The following KCNH8 variants were observed in gnomAD, a reference collection of about 807,000 sequenced individuals.
The protein encoded by KCNH8 is voltage-gated delayed rectifier potassium channel KCNH8.
A neutral mutation model predicts 103.6 loss-of-function variants in KCNH8; 70 were observed. The ratio of observed to expected loss-of-function variants is 0.68; its 90% confidence interval spans 0.56 to 0.82. The LOEUF is 0.82. Among genes scored for constraint, KCNH8 ranks in the 40% least tolerant of loss-of-function variants. KCNH8 has a pLI of 0.00. For synonymous variants in KCNH8, 498 were observed against 489.4 expected (o/e 1.02, Z -0.23); for missense variants, 1,217 against 1,329.9 (o/e 0.92, Z 1.32).
chr3:19,242,997 T>C (rs1246052609), intron 1 of KCNH8, among the ~76,000 whole-genome samples: 2 of 152,200 alleles, frequency 1.3e-5, no homozygotes, highest in African/African-American at 4.8e-5. Flanking sequence ...TAACTTGCTG[T>C]TTAGCATTGT....
At chr3:19,242,615 T>C (rs538689089) in intron 1 of KCNH8, among the ~76,000 whole-genome samples, 11 of 152,290 alleles carry the variant, frequency 7.2e-5, no homozygotes, top group African/African-American at 2.6e-4. Flanking sequence ...AGAAAGGTGT[T>C]ATCCCCCTTC....
At chr3:19,324,340 C>A (rs1014904343) in intron 3 of KCNH8, among the ~76,000 whole-genome samples, 1 of 152,086 alleles carries the variant, frequency 6.6e-6, no homozygotes, top group African/African-American at 2.4e-5. Flanking sequence ...AAGCAAGTAC[C>A]TTCTTCACAA....
intron 3 of KCNH8, among the ~76,000 whole-genome samples, chr3:19,339,690 C>G (rs918984504): frequency 6.6e-6 from 1 of 151,944 alleles, no homozygotes; most frequent in African/African-American, 2.4e-5. Flanking sequence ...AATATTCTTT[C>G]AAGTATGTAG....
intron 11 of KCNH8, among the ~76,000 whole-genome samples, chr3:19,502,838 A>G (rs376723311): frequency 6.6e-6 from 1 of 151,114 alleles, no homozygotes; most frequent in Non-Finnish European, 1.5e-5. Flanking sequence ...AAGAAAACCT[A>G]GGCATTACCA....
Position 19,489,779 on chromosome 3 carries a change from C to T in KCNH8, c.2041-20584C>T, listed in dbSNP as rs189917944. On this transcript the variant is annotated intron_variant, in intron 11 of 15. Coordinates refer to ENST00000328405, the MANE Select transcript of KCNH8 (RefSeq NM_144633.3). Reference sequence around the variant, plus strand: ...GGCACACACACACTTTTACAGTTTACACCAAACCAGAAACAACCAAAATCA... The same window carrying T: ...GGCACACACACACTTTTACAGTTTATACCAAACCAGAAACAACCAAAATCA... Among the ~76,000 whole-genome samples the T allele has an allele frequency of 4.8e-3, 723 of 152,206 alleles. 2 individuals are homozygous for T. The highest frequency in any genetic ancestry group is 7.7e-3 in the Non-Finnish European group (526 of 68,004).
chr3:19,293,792 TA>T (rs2064961610), intron 3 of KCNH8, among the ~76,000 whole-genome samples: 1 of 152,212 alleles, frequency 6.6e-6, no homozygotes. Flanking sequence ...TTGAGGATCT[TA>T]TCTCTAACAC....
chr3:19,348,652 C>T (rs564889637), intron 5 of KCNH8, among the ~76,000 whole-genome samples: 58 of 152,068 alleles, frequency 3.8e-4, no homozygotes, highest in African/African-American at 1.1e-3. Flanking sequence ...GGACAGATTC[C>T]GGGTCTGTAA....
chr3:19,306,807 C>T (rs1050098042), intron 3 of KCNH8, among the ~76,000 whole-genome samples: 1 of 151,980 alleles, frequency 6.6e-6, no homozygotes, highest in African/African-American at 2.4e-5. Flanking sequence ...GATATCATAT[C>T]AAGGATTAAA....
chr3:19,478,643 C>T (rs2068024226), intron 11 of KCNH8, among the ~76,000 whole-genome samples: 1 of 152,156 alleles, frequency 6.6e-6, no homozygotes, highest in Admixed American at 6.6e-5. Context: ...ACTGGATCTC[C>T]ATTCAGTTTT....
chr3:19,481,189 T>C (rs1379363171), intron 11 of KCNH8, among the ~76,000 whole-genome samples: 2 of 152,148 alleles, frequency 1.3e-5, no homozygotes, highest in African/African-American at 2.4e-5. Context: ...TATATAAATT[T>C]ATGGGGTAGA....
At chr3:19,157,742 GAT>G (rs1185723170) in intron 1 of KCNH8, among the ~76,000 whole-genome samples, 1 of 151,966 alleles carries the variant, frequency 6.6e-6, no homozygotes, top group African/African-American at 2.4e-5. Flanking sequence ...ATGTTTAAGA[GAT>G]ATTTAAATGC....
At chr3:19,204,476 A>C (rs1031030200) in intron 1 of KCNH8, among the ~76,000 whole-genome samples, 4 of 152,032 alleles carry the variant, frequency 2.6e-5, no homozygotes, top group Admixed American at 6.6e-5. Context: ...CGATTTAAAA[A>C]TAAACAGACC....
chr3:19,296,246 G>A (rs2064995750), intron 3 of KCNH8, among the ~76,000 whole-genome samples: 1 of 152,094 alleles, frequency 6.6e-6, no homozygotes, highest in Non-Finnish European at 1.5e-5. Context: ...ATACATCTTT[G>A]AGTTCATGAG....
intron 11 of KCNH8, among the ~76,000 whole-genome samples, chr3:19,490,446 C>T (rs2068294437): frequency 6.6e-6 from 1 of 152,126 alleles, no homozygotes; most frequent in African/African-American, 2.4e-5. Flanking sequence ...TGACTGGGGG[C>T]TGCATGCACC....
At chr3:19,519,126 G>GCTCA (rs935580872) in intron 15 of KCNH8, among the ~76,000 whole-genome samples, 50 of 152,066 alleles carry the variant, frequency 3.3e-4, no homozygotes, top group African/African-American at 1.2e-3. Context: ...GTGGAGTTGA[G>GCTCA]GCTCTTCAGG....
At chr3:19,172,959 C>T (rs1481009162) in intron 1 of KCNH8, among the ~76,000 whole-genome samples, 14 of 151,938 alleles carry the variant, frequency 9.2e-5, no homozygotes, top group Non-Finnish European at 1.6e-4. Context: ...GAAAAAAAAT[C>T]TGAGTTAGGT....
At chr3:19,500,491 C>G (rs577497881) in intron 11 of KCNH8, among the ~76,000 whole-genome samples, 2 of 151,002 alleles carry the variant, frequency 1.3e-5, no homozygotes, top group South Asian at 2.1e-4. Flanking sequence ...ACATTTTTTT[C>G]AGCACCACAC....
At chr3:19,478,777 A>C (rs2068026962) in intron 11 of KCNH8, among the ~76,000 whole-genome samples, 1 of 152,026 alleles carries the variant, frequency 6.6e-6, no homozygotes, top group Non-Finnish European at 1.5e-5. Flanking sequence ...ATGTAAATAG[A>C]AGTCATGTGT....
intron 2 of KCNH8, among the ~76,000 whole-genome samples, chr3:19,261,106 T>C (rs1420498376): frequency 6.6e-6 from 1 of 151,348 alleles, no homozygotes; most frequent in Non-Finnish European, 1.5e-5. Flanking sequence ...TTTCTTTTAA[T>C]ATATACTCAG....
Sources: gnomAD v4.1 joint callset for allele counts (sites outside exome capture counted in the v4.1 genomes callset) on GRCh38, gnomAD v4.1.1 for gene constraint, MANE v1.5 for transcripts, NCBI Gene and HGNC (gene_info 2026-07-23, HGNC 2026-07-21) for gene names.